Variants in AHCY observed in about 807,000 individuals in gnomAD.
AHCY encodes S-adenosyl-L-homocysteine hydrolase.
In AHCY, 24 loss-of-function variants were observed where a neutral mutation model predicts 45.4. The ratio of observed to expected loss-of-function variants is 0.53; its 90% CI spans 0.38 to 0.74. The LOEUF (loss-of-function observed/expected upper bound fraction) is 0.74, where lower values mean the gene tolerates loss of function less well. AHCY is among the 30% of genes least tolerant of loss of function. The probability of loss-of-function intolerance (pLI) is 0.00; values close to 1 mark genes in which losing one functional copy is unlikely to be tolerated. For synonymous variants in AHCY, 245 were observed against 235.1 expected, an observed-to-expected ratio of 1.04 and a Z score of -0.39; for missense variants, 449 against 594.1, an observed-to-expected ratio of 0.76 and a Z score of 2.54.
At chr20:34,236,553 A>C in the AHCY span, among the ~76,000 whole-genome samples, 1 of 151,952 alleles carries the variant, frequency 6.6e-6, no homozygotes, top group Non-Finnish European at 1.5e-5. Context: ...CTCAAAAAAA[A>C]AAAGAATCAT....
rs2122836479 is a variant in AHCY, at chr20:34,303,269, ATGCTGGCGGCACTCG to A, written c.-14_1del. 1 of 1,551,742 alleles carries A rather than the reference ATGCTGGCGGCACTCG, an allele frequency of 6.4e-7. No individual in the cohort carries two copies. Among genetic ancestry groups the A allele is most frequent in the East Asian group, 2.4e-5 (1 of 40,922 alleles). On this transcript the variant is annotated start_lost and start_retained_variant and 5_prime_UTR_variant, in exon 1 of 10. Coordinates refer to ENST00000217426, the MANE Select transcript of AHCY (RefSeq NM_000687.4). ...GACTTTGTAGGGCAGTTTGTCAGACATGCTGGCGGCACTCGTGATGGAAACGGGCGAAGGGGGCTG... is the reference window on the plus strand; with the variant it reads ...GACTTTGTAGGGCAGTTTGTCAGACATGATGGAAACGGGCGAAGGGGGCTG...
At chr20:34,287,702 C>A (rs529874959) in intron 8 of AHCY, among the ~76,000 whole-genome samples, 2 of 152,196 alleles carry the variant, frequency 1.3e-5, no homozygotes, top group South Asian at 4.1e-4. Context: ...AGAAGGGGGT[C>A]TCTTGAGCTG....
chr20:34,292,253 G>T, intron 4 of AHCY, 105 bp downstream of exon 4: 1 of 1,403,786 alleles, frequency 7.1e-7, no homozygotes, highest in Non-Finnish European at 9.8e-7. Context: ...TCCAGATCCT[G>T]CTGCTTGAGG....
chr20:34,249,349 T>A, the AHCY span, among the ~76,000 whole-genome samples: 1 of 118,368 alleles, frequency 8.4e-6, no homozygotes, highest in African/African-American at 3.3e-5. Context: ...AGATATCCGA[T>A]GCCCAGAGCC....
the AHCY span, among the ~76,000 whole-genome samples, chr20:34,238,882 C>T: frequency 1.3e-5 from 2 of 152,166 alleles, no homozygotes; most frequent in Admixed American, 6.5e-5. Context: ...GCCAAGGACA[C>T]TTTGCCATCC....
chr20:34,309,988 G>A (rs960930588), intron 1 of AHCY, among the ~76,000 whole-genome samples: 1 of 151,950 alleles, frequency 6.6e-6, no homozygotes, highest in Non-Finnish European at 1.5e-5. Context: ...GGAGGTGGAG[G>A]GGTGCCTTCT....
intron 1 of AHCY, among the ~76,000 whole-genome samples, chr20:34,296,316 C>T (rs1277080864): frequency 1.3e-5 from 2 of 152,164 alleles, no homozygotes; most frequent in Non-Finnish European, 2.9e-5. Flanking sequence ...GCCCACCTTG[C>T]CTGCAACTGA....
the AHCY span, among the ~76,000 whole-genome samples, chr20:34,263,867 C>T: frequency 4.0e-5 from 6 of 151,762 alleles, no homozygotes; most frequent in African/African-American, 7.3e-5. Flanking sequence ...GATGGGGTTT[C>T]GCCAAGTTTG....
At chr20:34,234,060 TTGA>T in the AHCY span, among the ~76,000 whole-genome samples, 4 of 152,210 alleles carry the variant, frequency 2.6e-5, no homozygotes, top group African/African-American at 4.8e-5. Flanking sequence ...TTGTGCCCAG[TTGA>T]TGATGGTGTC....
the AHCY span, among the ~76,000 whole-genome samples, chr20:34,248,647 A>T: frequency 6.6e-6 from 1 of 152,022 alleles, no homozygotes; most frequent in Non-Finnish European, 1.5e-5. Flanking sequence ...TACTAAAAAA[A>T]TAATTGGCCT....
the AHCY span, among the ~76,000 whole-genome samples, chr20:34,250,748 C>A: frequency 6.6e-6 from 1 of 152,100 alleles, no homozygotes; most frequent in Non-Finnish European, 1.5e-5. Context: ...TTTGCCTCTT[C>A]TTCCATTCTC....
chr20:34,270,443 A>G, the AHCY span, among the ~76,000 whole-genome samples: 1 of 152,158 alleles, frequency 6.6e-6, no homozygotes, highest in Non-Finnish European at 1.5e-5. Context: ...TCCTTGTACC[A>G]CAGTTGCTGC....
chr20:34,258,700 A>ATATATATATATATATATACACACACATAC, the AHCY span, among the ~76,000 whole-genome samples: 97 of 77,916 alleles, frequency 1.2e-3, 13 homozygotes, highest in East Asian at 3.7e-3. Flanking sequence ...TACATACTAT[A>ATATATATATATATATATACACACACATAC]TATATATATT....
intron 1 of AHCY, among the ~76,000 whole-genome samples, chr20:34,296,583 A>AAC (rs1358625511): frequency 1.3e-5 from 2 of 152,194 alleles, no homozygotes; most frequent in South Asian, 4.1e-4. Flanking sequence ...GAGCTAACTC[A>AAC]CTATCTCAAT....
At chr20:34,268,939 A>G in the AHCY span, 1 of 1,554,972 alleles carries the variant, frequency 6.4e-7, no homozygotes, top group East Asian at 2.4e-5. Context: ...AGAGGTGAGG[A>G]CCGGAGGGGT....
the AHCY span, among the ~76,000 whole-genome samples, chr20:34,235,846 AAGGAAGGAAGGAAGGAAG>A: frequency 1.3e-4 from 6 of 45,526 alleles, no homozygotes; most frequent in Non-Finnish European, 1.0e-4. Context: ...AGAAAGAAGG[AAGGAAGGAAGGAAGGAAG>A]GAAAGGAAGG....
the AHCY span, chr20:34,241,455 A>T: frequency 2.0e-6 from 2 of 985,346 alleles, no homozygotes; most frequent in Non-Finnish European, 2.4e-6. Context: ...GTGAAAAAGG[A>T]AGTTCCTTGG....
Position 34,285,563 on chromosome 20 carries a change from AC to A in AHCY, c.1043del (p.Gly348ValfsTer10). 2 of 1,614,072 alleles carry A rather than the reference AC, an allele frequency of 1.2e-6. No homozygotes were observed. The highest frequency in any genetic ancestry group is 1.7e-6 in the Non-Finnish European group (2 of 1,180,010). ...LLAEGRLVNLGCAMGHPSFVM... is the reference protein window; with the variant it reads ...LLAEGRLVNLXCAMGHPSFVM... ...CGAAGCTGGGGTGGCCCATGGCACA[AC>A]CCAGGTTGACCAGCCGACCCTCGGC... On this transcript the variant is annotated frameshift_variant, in exon 9 of 10. Coordinates refer to ENST00000217426, the MANE Select transcript of AHCY (RefSeq NM_000687.4). LOFTEE classifies it high-confidence loss of function.
chr20:34,255,029 CT>C, the AHCY span, among the ~76,000 whole-genome samples: 15 of 152,258 alleles, frequency 9.9e-5, no homozygotes, highest in Non-Finnish European at 1.5e-4. Context: ...GGGATTTGAC[CT>C]GGTGAGATCT....
Sources: allele counts gnomAD v4.1 joint callset (sites outside exome capture counted in the v4.1 genomes callset), GRCh38; gene constraint gnomAD v4.1.1; transcripts MANE v1.5; gene names NCBI Gene and HGNC (gene_info 2026-07-23, HGNC 2026-07-21).